The following DRICH1 variants were observed in gnomAD, a reference collection of about 807,000 sequenced individuals.
DRICH1 encodes aspartate rich 1, also known as aspartate-rich protein 1.
A neutral mutation model predicts 39.5 loss-of-function variants in DRICH1; 38 were observed. That is an observed-to-expected ratio of 0.96 (90% CI 0.74 to 1.26). DRICH1 has a LOEUF of 1.26. Among genes scored for constraint, DRICH1 ranks in the 50% most tolerant of loss-of-function variants. The pLI, the probability that DRICH1 is intolerant of heterozygous loss-of-function variation, is 0.00. For synonymous variants in DRICH1, 84 were observed against 99.5 expected, an observed-to-expected ratio of 0.84 and a Z score of 0.93; for missense variants, 279 against 270.4, an observed-to-expected ratio of 1.03 and a Z score of -0.22.
intron 1 of DRICH1, among the ~76,000 whole-genome samples, chr22:23,630,152 C>T (rs1465538769): frequency 2.6e-5 from 4 of 152,140 alleles, no homozygotes; most frequent in Non-Finnish European, 1.5e-5. Flanking sequence ...TCTATTGTTC[C>T]GTGTACCTTT....
chr22:23,632,004 C>A lies in DRICH1; in HGVS notation c.20G>T (p.Cys7Phe). Residue 7 changes from cysteine to phenylalanine, a missense_variant, in exon 1 of 12, where the codon TGT becomes TTT. By Grantham distance (205) the Cys-to-Phe change is radical. Transcript: ENST00000317749. MGNILT[C>F]CINSHCGWPR... ...CCAGCCACAGTGGGAGTTGATACAACAGGTCAGTATATTCCCCATGGGGCC... is the reference window on the plus strand; with the variant it reads ...CCAGCCACAGTGGGAGTTGATACAAAAGGTCAGTATATTCCCCATGGGGCC... 1 of 1,613,404 alleles carries A rather than the reference C, an allele frequency of 6.2e-7. No homozygotes were observed. The highest frequency in any genetic ancestry group is 8.5e-7 in the Non-Finnish European group (1 of 1,180,014).
At chr22:23,607,453 TG>T, downstream of DRICH1, among the ~76,000 whole-genome samples, 1 of 150,520 alleles carries the variant, frequency 6.6e-6, no homozygotes, top group South Asian at 2.1e-4. Context: ...GTTCCCACAC[TG>T]GGACCCTCAT....
At chr22:23,582,578 T>TATTATTATTATTA in the DRICH1 span, among the ~76,000 whole-genome samples, 1 of 151,072 alleles carries the variant, frequency 6.6e-6, no homozygotes, top group South Asian at 2.1e-4. Context: ...TTATTATTAT[T>TATTATTATTATTA]ATTTTGAGAT....
chr22:23,604,178 A>G (rs1193388197), downstream of DRICH1, among the ~76,000 whole-genome samples: 1 of 152,052 alleles, frequency 6.6e-6, no homozygotes, highest in Non-Finnish European at 1.5e-5. Context: ...GACTCCCCAG[A>G]TGAGTCTGTC....
At chr22:23,582,281 CT>C in the DRICH1 span, among the ~76,000 whole-genome samples, 125 of 143,538 alleles carry the variant, frequency 8.7e-4, no homozygotes, top group Admixed American at 1.2e-3. Context: ...CTGGCTTTTT[CT>C]TTTTTTTTTT....
At chr22:23,601,910 G>C in the DRICH1 span, among the ~76,000 whole-genome samples, 1 of 152,258 alleles carries the variant, frequency 6.6e-6, no homozygotes, top group Non-Finnish European at 1.5e-5. Flanking sequence ...GAATGTAAAA[G>C]GAACGTAAGG....
chr22:23,596,554 C>T, the DRICH1 span, among the ~76,000 whole-genome samples: 2 of 152,206 alleles, frequency 1.3e-5, no homozygotes, highest in Non-Finnish European at 2.9e-5. Context: ...TCACAGCCTC[C>T]TACAAGTTTG....
chr22:23,617,620 T>G lies in DRICH1; in HGVS notation c.474A>C (p.Pro158=), dbSNP rs777383682. 1.5e-5 allele frequency: 24 copies of G among 1,614,040 alleles called. No homozygotes were observed. The highest frequency in any genetic ancestry group is 3.4e-6 in the Non-Finnish European group (4 of 1,180,016). The part of the protein sequence containing the change: ...SEDNLSLVCL[P]RSEDDDCDDD... Reference sequence around the variant, plus strand: ...CATCACAGTCATCATCTTCACTTCGTGGTAGGCATACTAAACTCAGGTTGT... The same window carrying G: ...CATCACAGTCATCATCTTCACTTCGGGGTAGGCATACTAAACTCAGGTTGT... Residue 158 remains proline, a synonymous_variant, in exon 7 of 12, where the codon CCA becomes CCC. Transcript: ENST00000317749.
the DRICH1 span, among the ~76,000 whole-genome samples, chr22:23,594,814 G>C: frequency 6.6e-6 from 1 of 151,622 alleles, no homozygotes; most frequent in Non-Finnish European, 1.5e-5. Flanking sequence ...ACCTGGGCCA[G>C]AGATCCTCAG....
intron 8 of DRICH1, among the ~76,000 whole-genome samples, chr22:23,614,601 A>G (rs1043519034): frequency 5.3e-5 from 8 of 152,198 alleles, no homozygotes; most frequent in African/African-American, 1.9e-4. Flanking sequence ...CTGATACTAC[A>G]TTTAGCATCT....
chr22:23,627,477 C>T (rs1298609711), intron 1 of DRICH1, among the ~76,000 whole-genome samples: 2 of 152,172 alleles, frequency 1.3e-5, no homozygotes, highest in Non-Finnish European at 2.9e-5. Context: ...ATGAGGAAGA[C>T]ATGACTCCCC....
the DRICH1 span, among the ~76,000 whole-genome samples, chr22:23,588,277 T>G: frequency 3.3e-5 from 5 of 152,092 alleles, no homozygotes; most frequent in African/African-American, 1.2e-4. Context: ...CAGGTACCCA[T>G]GGCCACACCC....
downstream of DRICH1, among the ~76,000 whole-genome samples, chr22:23,604,120 C>T (rs1926609741): frequency 6.6e-6 from 1 of 152,134 alleles, no homozygotes; most frequent in South Asian, 2.1e-4. Context: ...ACACCCCTGC[C>T]CACCCATCCA....
chr22:23,619,029 G>A (rs1927550544), intron 6 of DRICH1, among the ~76,000 whole-genome samples: 1 of 151,990 alleles, frequency 6.6e-6, no homozygotes, highest in Non-Finnish European at 1.5e-5. Context: ...AAAATTAGCT[G>A]GACGTGGTGG....
the DRICH1 span, among the ~76,000 whole-genome samples, chr22:23,585,231 A>G: frequency 6.6e-6 from 1 of 151,952 alleles, no homozygotes; most frequent in African/African-American, 2.4e-5. Context: ...TCCAACTCTT[A>G]GGCTCAAGCG....
the DRICH1 span, among the ~76,000 whole-genome samples, chr22:23,591,166 C>G: frequency 6.6e-6 from 1 of 152,128 alleles, no homozygotes; most frequent in Non-Finnish European, 1.5e-5. Context: ...ACGGGGCTCC[C>G]CTAGACAGTT....
At chr22:23,609,775 G>C (rs1425062351) in intron 11 of DRICH1, among the ~76,000 whole-genome samples, 5 of 152,186 alleles carry the variant, frequency 3.3e-5, no homozygotes, top group Non-Finnish European at 7.3e-5. Context: ...GGGGCTGCAA[G>C]AAGCTCAGCT....
the DRICH1 span, among the ~76,000 whole-genome samples, chr22:23,585,815 C>G: frequency 2.6e-5 from 4 of 152,288 alleles, no homozygotes; most frequent in African/African-American, 4.8e-5. Flanking sequence ...TCACTGTGTG[C>G]CCGGCCATAT....
intron 6 of DRICH1, among the ~76,000 whole-genome samples, chr22:23,618,955 C>T (rs1274991525): frequency 5.3e-5 from 8 of 151,884 alleles, no homozygotes; most frequent in Non-Finnish European, 7.4e-5. Flanking sequence ...GGGGGGATCA[C>T]GAGGTCAAGA....
Sources: gnomAD v4.1 joint callset for allele counts (sites outside exome capture counted in the v4.1 genomes callset) on GRCh38, gnomAD v4.1.1 for gene constraint, MANE v1.5 for transcripts, NCBI Gene and HGNC (gene_info 2026-07-23, HGNC 2026-07-21) for gene names.